Variants in CHM observed in about 807,000 individuals in gnomAD.
The protein encoded by CHM is rab proteins geranylgeranyltransferase component A 1.
Under a neutral mutation model 49.0 loss-of-function variants are expected in CHM, and 10 were observed. The ratio of observed to expected loss-of-function variants is 0.20; its 90% CI spans 0.13 to 0.35. The LOEUF (loss-of-function observed/expected upper bound fraction) is 0.35. CHM is among the 10% of genes least tolerant of loss of function. CHM has a pLI of 1.00. For synonymous variants in CHM, 184 were observed against 167.5 expected (o/e 1.10, Z -0.76); for missense variants, 455 against 478.4 (o/e 0.95, Z 0.46).
At chrX:85,940,778 A>G (rs989104536) in intron 8 of CHM, among the ~76,000 whole-genome samples, 2 of 111,646 alleles carry the variant, frequency 1.8e-5, no homozygotes, top group Non-Finnish European at 3.8e-5. Context: ...GTGGAGCCCA[A>G]TCTTGTTGCT....
intron 2 of CHM, among the ~76,000 whole-genome samples, chrX:86,005,494 T>TC (rs1240671089): frequency 9.0e-6 from 1 of 110,854 alleles, no homozygotes; most frequent in Admixed American, 9.6e-5. Flanking sequence ...TTTGAAAAGA[T>TC]CAACAAAATT....
chrX:85,950,007 A>ATATATATATATATATATATATATATATC (rs1929653898), intron 8 of CHM, among the ~76,000 whole-genome samples: 1 of 81,936 alleles, frequency 1.2e-5, no homozygotes, highest in Non-Finnish European at 2.4e-5. Context: ...ATATATATAT[A>ATATATATATATATATATATATATATATC]TATCTTGTAA....
intron 12 of CHM, among the ~76,000 whole-genome samples, chrX:85,885,472 G>A (rs1925028906): frequency 1.8e-5 from 2 of 110,239 alleles, no homozygotes; most frequent in South Asian, 7.6e-4. Context: ...TAATAAGTAT[G>A]TCCAAGTTAA....
intron 4 of CHM, among the ~76,000 whole-genome samples, chrX:85,973,300 C>CAAA (rs58103002): frequency 0.025 from 409 of 16,347 alleles, 54 homozygotes; most frequent in East Asian, 0.044. Flanking sequence ...TCTGTCTCGA[C>CAAA]AAAAAAAAAA....
At chrX:85,912,036 G>A (rs1319126976) in intron 8 of CHM, among the ~76,000 whole-genome samples, 1 of 83,382 alleles carries the variant, frequency 1.2e-5, no homozygotes, top group African/African-American at 4.5e-5. Flanking sequence ...AGAAATCCAC[G>A]TACAAAAAGA....
At chrX:85,883,901 C>A (rs778707691) in intron 12 of CHM, among the ~76,000 whole-genome samples, 9 of 110,127 alleles carry the variant, frequency 8.2e-5, no homozygotes, top group Non-Finnish European at 1.5e-4. Flanking sequence ...CTGTTATTGC[C>A]TGATTAGTAT....
At chrX:85,983,413 G>A (rs914195987) in intron 2 of CHM, among the ~76,000 whole-genome samples, 3 of 110,554 alleles carry the variant, frequency 2.7e-5, no homozygotes, top group African/African-American at 9.9e-5. Context: ...GGTGATGGCA[G>A]GTATAGAGAA....
chrX:85,939,378 T>C (rs1603256820), intron 8 of CHM, among the ~76,000 whole-genome samples: 1 of 112,603 alleles, frequency 8.9e-6, no homozygotes, highest in East Asian at 2.8e-4. Flanking sequence ...AATACTTATG[T>C]TATTTTCTAA....
chrX:86,006,314 C>T (rs753204447), intron 2 of CHM, among the ~76,000 whole-genome samples: 16 of 111,534 alleles, frequency 1.4e-4, no homozygotes, highest in Middle Eastern at 4.7e-3. Flanking sequence ...TCATACTGAA[C>T]GGGCACAAAC....
chrX:85,953,899 G>A (rs1163469379), intron 8 of CHM, among the ~76,000 whole-genome samples: 5 of 111,670 alleles, frequency 4.5e-5, no homozygotes, highest in Admixed American at 9.5e-5. Flanking sequence ...AAGCACAGGC[G>A]ACTAAAGCAA....
intron 14 of CHM, among the ~76,000 whole-genome samples, chrX:85,870,126 G>C (rs1230661053): frequency 9.0e-6 from 1 of 111,530 alleles, no homozygotes; most frequent in Admixed American, 9.5e-5. Flanking sequence ...CTCTGGACAA[G>C]TTATTCAGCC....
At chrX:85,868,324 T>G (rs150998499) in intron 14 of CHM, among the ~76,000 whole-genome samples, 3 of 111,070 alleles carry the variant, frequency 2.7e-5, no homozygotes, top group Non-Finnish European at 3.8e-5. Context: ...ATGGTAACTA[T>G]AGCTAACTGC....
At chrX:86,035,534 C>T (rs182746854) in intron 1 of CHM, among the ~76,000 whole-genome samples, 16 of 110,751 alleles carry the variant, frequency 1.4e-4, no homozygotes, top group Admixed American at 1.3e-3. Context: ...AGGAAGAGCA[C>T]AAGACCAAAG....
chrX:85,996,982 C>T (rs1932468826), intron 2 of CHM, among the ~76,000 whole-genome samples: 1 of 112,004 alleles, frequency 8.9e-6, no homozygotes, highest in Admixed American at 9.5e-5. Flanking sequence ...TCTGCCCTTT[C>T]CCTTTCAAAT....
intron 8 of CHM, among the ~76,000 whole-genome samples, chrX:85,914,611 C>T (rs1282673683): frequency 9.0e-6 from 1 of 110,719 alleles, no homozygotes; most frequent in Admixed American, 9.7e-5. Context: ...ACCACATCAG[C>T]GCCCATGCAC....
chrX:85,985,824 A>C (rs186446688), intron 2 of CHM, among the ~76,000 whole-genome samples: 126 of 111,873 alleles, frequency 1.1e-3, no homozygotes, highest in Middle Eastern at 4.6e-3. Context: ...TAGCAGCCCT[A>C]CAGAAAAGCA....
At chrX:85,960,953 G>A (rs1306769738) in intron 5 of CHM, among the ~76,000 whole-genome samples, 8 of 111,388 alleles carry the variant, frequency 7.2e-5, no homozygotes, top group Admixed American at 4.8e-4. Context: ...GACACTATAC[G>A]TATTTTATTT....
intron 8 of CHM, among the ~76,000 whole-genome samples, chrX:85,947,579 C>T (rs779432092): frequency 3.6e-5 from 4 of 111,614 alleles, no homozygotes; most frequent in East Asian, 5.6e-4. Flanking sequence ...GAGCCAATTA[C>T]GCCTCTTTTC....
chrX:85,951,988 GC>G (rs1929775963), intron 8 of CHM, among the ~76,000 whole-genome samples: 1 of 112,200 alleles, frequency 8.9e-6, no homozygotes, highest in South Asian at 3.7e-4. Flanking sequence ...GCTATGCTAG[GC>G]TCAGGTGGCA....
Sources: gnomAD v4.1 joint callset for allele counts (sites outside exome capture counted in the v4.1 genomes callset) on GRCh38, gnomAD v4.1.1 for gene constraint, MANE v1.5 for transcripts, NCBI Gene and HGNC (gene_info 2026-07-23, HGNC 2026-07-21) for gene names.